Variants in SLC16A12 observed in about 807,000 individuals in gnomAD.
SLC16A12 encodes the protein solute carrier family 16 member 12, also known as monocarboxylate transporter 12.
A neutral mutation model predicts 42.4 loss-of-function variants in SLC16A12; 17 were observed. The observed-to-expected ratio is 0.40, with a 90% CI of 0.27 to 0.60. SLC16A12 has a LOEUF of 0.60. Among genes scored for constraint, SLC16A12 ranks in the 20% least tolerant of loss-of-function variants. SLC16A12 has a pLI of 0.42. For synonymous variants in SLC16A12, 224 were observed against 229.4 expected, an observed-to-expected ratio of 0.98 and a Z score of 0.21; for missense variants, 544 against 623.0, an observed-to-expected ratio of 0.87 and a Z score of 1.35.
At chr10:89,528,533 A>G (rs1843491585) in intron 2 of SLC16A12, among the ~76,000 whole-genome samples, 3 of 152,076 alleles carry the variant, frequency 2.0e-5, no homozygotes, top group Admixed American at 2.0e-4. Context: ...CACAGAGAAG[A>G]AAAAAAATCA....
chr10:89,461,188 C>T (rs778324194), intron 3 of SLC16A12, among the ~76,000 whole-genome samples: 2 of 152,096 alleles, frequency 1.3e-5, no homozygotes, highest in Non-Finnish European at 2.9e-5. Flanking sequence ...TCTTAATGTA[C>T]GTGCATCTAA....
chr10:89,553,418 C>T (rs973635370), intron 2 of SLC16A12, among the ~76,000 whole-genome samples: 21 of 152,202 alleles, frequency 1.4e-4, no homozygotes, highest in African/African-American at 4.8e-4. Flanking sequence ...GCTATTAAAT[C>T]ATCTCAGCAC....
At chr10:89,461,177 G>A (rs987355247) in intron 3 of SLC16A12, among the ~76,000 whole-genome samples, 20 of 152,202 alleles carry the variant, frequency 1.3e-4, no homozygotes, top group African/African-American at 4.6e-4. Flanking sequence ...AGATGGATGA[G>A]TCTTAATGTA....
intron 2 of SLC16A12, among the ~76,000 whole-genome samples, chr10:89,508,663 A>G (rs1486814349): frequency 6.6e-6 from 1 of 152,218 alleles, no homozygotes; most frequent in Non-Finnish European, 1.5e-5. Context: ...TCACAATTAA[A>G]AGAACTAGAG....
intron 2 of SLC16A12, among the ~76,000 whole-genome samples, chr10:89,547,391 G>A (rs1211477082): frequency 6.6e-6 from 1 of 152,126 alleles, no homozygotes; most frequent in Non-Finnish European, 1.5e-5. Flanking sequence ...ATTGCAAACT[G>A]AACTACAGTG....
At chr10:89,530,469 G>C (rs1843528222) in intron 2 of SLC16A12, among the ~76,000 whole-genome samples, 1 of 151,432 alleles carries the variant, frequency 6.6e-6, no homozygotes, top group African/African-American at 2.4e-5. Context: ...CCAGGCTGGA[G>C]TGCAGTGGCG....
At chr10:89,516,871 C>T (rs557129458) in intron 2 of SLC16A12, among the ~76,000 whole-genome samples, 3 of 152,138 alleles carry the variant, frequency 2.0e-5, no homozygotes, top group Non-Finnish European at 4.4e-5. Flanking sequence ...CTTGCTAAGG[C>T]CTAATTTAAG....
intron 2 of SLC16A12, among the ~76,000 whole-genome samples, chr10:89,492,597 A>G (rs2056574268): frequency 6.6e-6 from 1 of 152,146 alleles, no homozygotes; most frequent in Non-Finnish European, 1.5e-5. Flanking sequence ...GAGTATTTTT[A>G]GTCTCTACTA....
Position 89,441,064 on chromosome 10 carries a change from C to A in SLC16A12, c.448+44G>T, listed in dbSNP as rs763298575. On this transcript the variant is annotated intron_variant, in intron 5 of 7. Coordinates refer to ENST00000371790, the MANE Select transcript of SLC16A12 (RefSeq NM_213606.4). ...TTCTCTGTTGATGTGCTTGGAAACC[C>A]CTGAATGGAGTGGGGTGAGACAGGT... 1.4e-5 allele frequency: 22 copies of A among 1,611,236 alleles called. 1 individual carries two copies. Among genetic ancestry groups the A allele is most frequent in the Non-Finnish European group, 1.9e-5 (22 of 1,177,804 alleles).
intron 2 of SLC16A12, among the ~76,000 whole-genome samples, chr10:89,470,965 A>G (rs1842485006): frequency 6.6e-6 from 1 of 152,222 alleles, no homozygotes; most frequent in Non-Finnish European, 1.5e-5. Context: ...ACACTCATGA[A>G]GAAGGAGGAA....
chr10:89,551,939 T>C (rs1843773462), intron 2 of SLC16A12, among the ~76,000 whole-genome samples: 1 of 152,220 alleles, frequency 6.6e-6, no homozygotes, highest in Non-Finnish European at 1.5e-5. Flanking sequence ...TTTATTTATT[T>C]ATTTTTAATT....
chr10:89,496,427 A>G (rs963305869), intron 2 of SLC16A12, among the ~76,000 whole-genome samples: 3 of 152,190 alleles, frequency 2.0e-5, no homozygotes, highest in Non-Finnish European at 4.4e-5. Flanking sequence ...AAAGATGTAG[A>G]CTATTAGAAG....
chr10:89,433,434 C>G, intron 7 of SLC16A12, 108 bp from the exon 8 acceptor site: 1 of 1,151,300 alleles, frequency 8.7e-7, no homozygotes, highest in Non-Finnish European at 1.2e-6. Context: ...ATAGCACCAC[C>G]AATTGTAACT....
intron 2 of SLC16A12, among the ~76,000 whole-genome samples, chr10:89,545,287 T>C (rs1004914762): frequency 6.6e-6 from 1 of 152,192 alleles, no homozygotes; most frequent in African/African-American, 2.4e-5. Context: ...ATGATGATTG[T>C]CATGCAGCAT....
At chr10:89,445,275 C>G (rs578124596) in intron 3 of SLC16A12, among the ~76,000 whole-genome samples, 22 of 152,366 alleles carry the variant, frequency 1.4e-4, no homozygotes, top group Non-Finnish European at 2.9e-4. Flanking sequence ...CAGACTGCCT[C>G]CTCAAGTGGG....
chr10:89,435,417 C>A (rs1482175752), intron 7 of SLC16A12, among the ~76,000 whole-genome samples: 1 of 152,174 alleles, frequency 6.6e-6, no homozygotes, highest in Non-Finnish European at 1.5e-5. Flanking sequence ...TTCTTCCTTG[C>A]CCCCAGAGCT....
At position 89,473,745 on chromosome 10, in the gene SLC16A12, T is replaced by A. The variant is rs75186501; in HGVS notation, c.-46-11121A>T. Among the ~76,000 whole-genome samples, 1,085 of 152,216 alleles carry A rather than the reference T, an allele frequency of 7.1e-3. 11 individuals are homozygous for A. Among genetic ancestry groups the A allele is most frequent in the African/African-American group, 0.025 (1,027 of 41,534 alleles). ...CTCTTTTAGGGTACCTTTGTAACCC[T>A]TAATGTGTCCCATTTGAAGCTCTTT... is the stretch of plus-strand genomic sequence containing the variant. On this transcript the variant is annotated intron_variant, in intron 2 of 7. Transcript: ENST00000371790.
rs562449585 is a variant in SLC16A12, at chr10:89,524,424, C to G, written c.-47+10077G>C. Reference sequence around the variant, plus strand: ...GACCCCTGGCCACACATATTCCCTACCTGTCAGCCATGCCACACCATCCGA... The same window carrying G: ...GACCCCTGGCCACACATATTCCCTAGCTGTCAGCCATGCCACACCATCCGA... On this transcript the variant is annotated intron_variant, in intron 2 of 7. Transcript: ENST00000371790. Among the ~76,000 whole-genome samples the G allele has an allele frequency of 3.9e-5, 6 of 152,322 alleles. No homozygotes were observed. The East Asian group carries it at 1.2e-3, about 29-fold the overall frequency.
chr10:89,436,564 C>A (rs1841789594), intron 6 of SLC16A12, among the ~76,000 whole-genome samples: 1 of 152,058 alleles, frequency 6.6e-6, no homozygotes, highest in South Asian at 2.1e-4. Context: ...TAAAACTAGT[C>A]CTGCCACCCA....
Sources: allele counts gnomAD v4.1 joint callset (sites outside exome capture counted in the v4.1 genomes callset), GRCh38; gene constraint gnomAD v4.1.1; transcripts MANE v1.5; gene names NCBI Gene and HGNC (gene_info 2026-07-23, HGNC 2026-07-21).